DCC: variants seen among roughly 807,000 people sequenced by gnomAD.
DCC encodes the protein netrin receptor DCC.
A neutral mutation model predicts 172.5 loss-of-function variants in DCC; 58 were observed. The ratio of observed to expected loss-of-function variants is 0.34; its 90% confidence interval spans 0.27 to 0.42. The LOEUF is 0.42. Among genes scored for constraint, DCC ranks in the 10% least tolerant of loss-of-function variants. The pLI is 1.00. For synonymous variants in DCC, 709 were observed against 644.5 expected, an observed-to-expected ratio of 1.10 and a Z score of -1.52; for missense variants, 1,740 against 1,791.0, an observed-to-expected ratio of 0.97 and a Z score of 0.51.
At chr18:53,482,647 TAATAA>T (rs1211928206) in intron 25 of DCC, among the ~76,000 whole-genome samples, 1 of 152,074 alleles carries the variant, frequency 6.6e-6, no homozygotes, top group African/African-American at 2.4e-5. Context: ...CTCATTTTGA[TAATAA>T]AATATAGTAT....
intron 3 of DCC, among the ~76,000 whole-genome samples, chr18:52,912,393 T>C (rs767868849): frequency 2.0e-5 from 3 of 152,032 alleles, no homozygotes; most frequent in Non-Finnish European, 2.9e-5. Flanking sequence ...TGGTAATAAA[T>C]TACCTGATTT....
At position 53,066,040 on chromosome 18, in the gene DCC, C is replaced by A; in HGVS notation, c.1141-6C>A. 6.2e-7 allele frequency: 1 copy of A among 1,612,544 alleles called. No homozygotes were observed. The highest frequency in any genetic ancestry group is 8.5e-7 in the Non-Finnish European group (1 of 1,179,116). On this transcript the variant is annotated splice_region_variant and splice_polypyrimidine_tract_variant and intron_variant, in intron 6 of 28. Coordinates refer to ENST00000442544, the MANE Select transcript of DCC (RefSeq NM_005215.4). ...AAATACTTTACCTGCTTTTTCTTTT[C>A]CCTAGGGAGGAAGCAACTTACGGAT...
intron 8 of DCC, among the ~76,000 whole-genome samples, chr18:53,158,670 C>G (rs374435838): frequency 2.0e-5 from 3 of 151,976 alleles, no homozygotes; most frequent in East Asian, 3.9e-4. Flanking sequence ...TTTCTGTTAT[C>G]TTTTACAAAT....
chr18:52,728,950 G>A (rs1447307794), intron 1 of DCC, among the ~76,000 whole-genome samples: 1 of 152,120 alleles, frequency 6.6e-6, no homozygotes, highest in African/African-American at 2.4e-5. Flanking sequence ...ATATTAATGG[G>A]CTCTGAAAAC....
chr18:53,418,527 C>T (rs1247428834), intron 21 of DCC, among the ~76,000 whole-genome samples: 1 of 152,122 alleles, frequency 6.6e-6, no homozygotes, highest in African/African-American at 2.4e-5. Context: ...ACATTTATGA[C>T]AGGAGCTGAG....
At chr18:52,842,397 G>A (rs1460857558) in intron 2 of DCC, among the ~76,000 whole-genome samples, 3 of 152,152 alleles carry the variant, frequency 2.0e-5, no homozygotes, top group Admixed American at 2.0e-4. Context: ...CAGGAACATT[G>A]AGGTAGGAGA....
chr18:53,378,159 G>C (rs1442919361), intron 15 of DCC, among the ~76,000 whole-genome samples: 2 of 151,806 alleles, frequency 1.3e-5, no homozygotes, highest in African/African-American at 4.8e-5. Context: ...ACAGGGTTTT[G>C]CCTGTTGGTC....
chr18:52,493,878 A>G (rs890631124), intron 1 of DCC, among the ~76,000 whole-genome samples: 9 of 151,810 alleles, frequency 5.9e-5, no homozygotes, highest in Non-Finnish European at 1.3e-4. Flanking sequence ...TTCTAAATAT[A>G]CTTTAAAGGC....
At chr18:53,134,752 A>T (rs2043714728) in intron 7 of DCC, among the ~76,000 whole-genome samples, 3 of 152,120 alleles carry the variant, frequency 2.0e-5, no homozygotes, top group Admixed American at 6.6e-5. Context: ...TTGTCCATTC[A>T]CTTGTACCTA....
intron 1 of DCC, among the ~76,000 whole-genome samples, chr18:52,418,383 G>C (rs772649671): frequency 6.6e-6 from 1 of 152,178 alleles, no homozygotes; most frequent in East Asian, 1.9e-4. Flanking sequence ...AGACAAGGTA[G>C]AGATCATTAT....
chr18:52,812,308 A>G (rs1336957964), intron 2 of DCC, among the ~76,000 whole-genome samples: 1 of 152,162 alleles, frequency 6.6e-6, no homozygotes, highest in Admixed American at 6.5e-5. Context: ...TCCCTTTCCA[A>G]TGATCAATGT....
chr18:52,387,683 T>C (rs1985867751), intron 1 of DCC, among the ~76,000 whole-genome samples: 1 of 150,478 alleles, frequency 6.6e-6, no homozygotes, highest in African/African-American at 2.5e-5. Context: ...AAACTGTCTA[T>C]ATTTAAGAAG....
intron 1 of DCC, among the ~76,000 whole-genome samples, chr18:52,617,790 A>G (rs1338369360): frequency 1.3e-5 from 2 of 152,144 alleles, no homozygotes; most frequent in African/African-American, 4.8e-5. Context: ...GTAATGCTAT[A>G]GTTTATCAGT....
chr18:53,535,635 A>G lies in DCC; in HGVS notation c.*4982A>G, dbSNP rs2046566918. On this transcript the variant is annotated 3_prime_UTR_variant, in exon 29 of 29. Coordinates refer to ENST00000442544, the MANE Select transcript of DCC (RefSeq NM_005215.4). ...ACAAAAAGGTATTTTGAGCCTACAA[A>G]AAGTTTCTTTAAACTGTCAGATTCT... 1 of 152,222 alleles carries G rather than the reference A, an allele frequency of 6.6e-6. No homozygotes were observed. Among genetic ancestry groups the G allele is most frequent in the African/African-American group, 2.4e-5 (1 of 41,456 alleles). 9.4% of individuals were successfully genotyped at this position (152,222 alleles called of 1,614,324 possible).
At position 53,226,948 on chromosome 18, in the gene DCC, A is replaced by ATTTTTTTTTTTTT. The variant is rs397976119; in HGVS notation, c.1911+11358_1911+11370dup. On this transcript the variant is annotated intron_variant, in intron 12 of 28. Transcript: ENST00000442544. Reference sequence around the variant, plus strand: ...TGTGTGTGTGTGTATATATATATATATTTTTTTTTTTTTTTTTTTGAGGCA... The same window carrying ATTTTTTTTTTTTT: ...TGTGTGTGTGTGTATATATATATATATTTTTTTTTTTTTTTTTTTTTTTTTTTTTTTTGAGGCA... 3.2e-4 allele frequency among the ~76,000 whole-genome samples: 17 copies of ATTTTTTTTTTTTT among 52,948 alleles called. 1 individual carries two copies. Among genetic ancestry groups the ATTTTTTTTTTTTT allele is most frequent in the Non-Finnish European group, 5.2e-4 (13 of 24,866 alleles). The allele number at this position is 52,948 out of a possible 152,430, so 34.7% of individuals were successfully genotyped here.
intron 1 of DCC, among the ~76,000 whole-genome samples, chr18:52,407,048 A>G (rs1041461832): frequency 1.3e-5 from 2 of 152,006 alleles, no homozygotes; most frequent in African/African-American, 4.8e-5. Context: ...TGATTACTGT[A>G]GTCTTTTCTA....
intron 1 of DCC, among the ~76,000 whole-genome samples, chr18:52,435,706 C>G (rs886491877): frequency 3.3e-5 from 5 of 152,168 alleles, no homozygotes; most frequent in Admixed American, 6.5e-5. Context: ...TTTCTGCCGC[C>G]AGGTTTGTTC....
chr18:53,417,965 A>G (rs970391783), intron 21 of DCC, among the ~76,000 whole-genome samples: 2 of 152,130 alleles, frequency 1.3e-5, no homozygotes, highest in African/African-American at 4.8e-5. Flanking sequence ...TTTTACTTTG[A>G]GTCTCACATC....
At chr18:53,057,234 A>G (rs1599078922) in intron 5 of DCC, among the ~76,000 whole-genome samples, 1 of 152,102 alleles carries the variant, frequency 6.6e-6, no homozygotes, top group East Asian at 1.9e-4. Flanking sequence ...AAGAAATTTC[A>G]TTGTACAGAA....
Sources: allele counts gnomAD v4.1 joint callset (sites outside exome capture counted in the v4.1 genomes callset), GRCh38; gene constraint gnomAD v4.1.1; transcripts MANE v1.5; gene names NCBI Gene and HGNC (gene_info 2026-07-23, HGNC 2026-07-21).